Variants in ENDOD1 observed in about 807,000 individuals in gnomAD.
The protein encoded by ENDOD1 is endonuclease domain-containing 1 protein.
In ENDOD1, 9 loss-of-function variants were observed where a neutral mutation model predicts 6.5. The observed-to-expected ratio is 1.39, with a 90% confidence interval of 0.84 to 2.43. ENDOD1 has a LOEUF of 2.43. ENDOD1 is among the 30% of genes most tolerant of loss of function. The probability of loss-of-function intolerance (pLI) is 0.00; values close to 1 mark genes in which losing one functional copy is unlikely to be tolerated. For synonymous variants in ENDOD1, 255 were observed against 255.2 expected (o/e 1.00, Z 0.01); for missense variants, 648 against 635.5 (o/e 1.02, Z -0.21).
chr11:95,108,221 G>A (rs141390843), intron 1 of ENDOD1, among the ~76,000 whole-genome samples: 126 of 152,242 alleles, frequency 8.3e-4, no homozygotes, highest in African/African-American at 2.9e-3. Flanking sequence ...CCACCCTTTC[G>A]AACGTTTTAT....
intron 1 of ENDOD1, among the ~76,000 whole-genome samples, chr11:95,114,425 C>A (rs1859182931): frequency 6.6e-6 from 1 of 152,136 alleles, no homozygotes; most frequent in Non-Finnish European, 1.5e-5. Context: ...GGGTAGTTTG[C>A]AAATATTTTA....
intron 1 of ENDOD1, among the ~76,000 whole-genome samples, chr11:95,116,501 C>T (rs1859210567): frequency 6.6e-6 from 1 of 151,972 alleles, no homozygotes; most frequent in African/African-American, 2.4e-5. Context: ...TATTTCTGCT[C>T]TGATCTTTAT....
At chr11:95,124,568 A>G (rs555983337) in intron 1 of ENDOD1, among the ~76,000 whole-genome samples, 1 of 152,320 alleles carries the variant, frequency 6.6e-6, no homozygotes, top group South Asian at 2.1e-4. Flanking sequence ...TTTCTGAAGC[A>G]TATGGTTTAG....
intron 1 of ENDOD1, among the ~76,000 whole-genome samples, chr11:95,102,756 T>C (rs1437310331): frequency 1.3e-5 from 2 of 152,204 alleles, no homozygotes; most frequent in South Asian, 2.1e-4. Flanking sequence ...AAATGAGAGT[T>C]ATTATGTTAC....
intron 1 of ENDOD1, among the ~76,000 whole-genome samples, chr11:95,110,583 A>ATGTATG (rs1555111822): frequency 8.1e-5 from 12 of 147,688 alleles, no homozygotes; most frequent in Non-Finnish European, 1.5e-4. Flanking sequence ...CCGTGTATGT[A>ATGTATG]TGTGTGTGTG....
intron 1 of ENDOD1, among the ~76,000 whole-genome samples, chr11:95,125,255 A>G (rs676761): frequency 0.42 from 63,249 of 151,924 alleles, 14,246 homozygotes; most frequent in East Asian, 0.7. Context: ...TGCATACAAA[A>G]TGCTCCAGTA....
rs960363745 is a variant in ENDOD1, at chr11:95,131,630, C to T, written c.*2051C>T. 1 of 152,222 alleles carries T rather than the reference C, an allele frequency of 6.6e-6. No homozygotes were observed. 9.4% of individuals were successfully genotyped at this position (152,222 alleles called of 1,614,324 possible). The stretch of plus-strand genomic sequence containing the variant: ...AAACAGACTCCAGGCCCTGACAAAG[C>T]AGTTGGATTTGGCATGTGTGATGAA... On this transcript the variant is annotated 3_prime_UTR_variant, in exon 2 of 2. Transcript: ENST00000278505.
rs1168109064 is a variant in ENDOD1 at position 95,128,813 on chromosome 11, TAGA to T, written c.741_743del (p.Glu247del). On this transcript the variant is annotated inframe_deletion, in exon 2 of 2. Coordinates refer to ENST00000278505, the MANE Select transcript of ENDOD1 (RefSeq NM_015036.3). ...AAGCACACCCGGGACAGTGACATCA[TAGA>T]AGATGTGATGGTAAAAGATCTTCAG... 5 of 1,614,178 alleles carry T rather than the reference TAGA, an allele frequency of 3.1e-6. No individual in the cohort carries two copies. The African/African-American group carries it at 4.0e-5, about 13-fold the overall frequency.
At chr11:95,122,522 G>C (rs1265759026) in intron 1 of ENDOD1, among the ~76,000 whole-genome samples, 1 of 150,232 alleles carries the variant, frequency 6.7e-6, no homozygotes, top group Non-Finnish European at 1.5e-5. Flanking sequence ...ATATGTGCGT[G>C]AGCCACCATG....
Position 95,096,227 on chromosome 11 carries a change from C to CTTTTTTTTTTT in ENDOD1, c.300+6015_300+6025dup, listed in dbSNP as rs10660230. 1.9e-3 allele frequency among the ~76,000 whole-genome samples: 93 copies of CTTTTTTTTTTT among 49,964 alleles called. 22 individuals are homozygous for CTTTTTTTTTTT. Among genetic ancestry groups the CTTTTTTTTTTT allele is most frequent in the Non-Finnish European group, 2.0e-3 (61 of 30,060 alleles). 32.8% of individuals were successfully genotyped at this position (49,964 alleles called of 152,430 possible). ...CTAGAATTACTGTTAGTCAAGAAAG[C>CTTTTTTTTTTT]TTTTTTTTTTTTTTTTTTTTTTTTT... On this transcript the variant is annotated intron_variant, in intron 1 of 1. Coordinates refer to ENST00000278505, the MANE Select transcript of ENDOD1 (RefSeq NM_015036.3).
At chr11:95,119,489 CT>C (rs1195357562) in intron 1 of ENDOD1, among the ~76,000 whole-genome samples, 7 of 152,204 alleles carry the variant, frequency 4.6e-5, no homozygotes, top group Admixed American at 4.6e-4. Flanking sequence ...GTCTTTTGTT[CT>C]CTTCTCTTAC....
rs929947835 is a variant in ENDOD1 at position 95,089,862 on chromosome 11, C to G, written c.-66C>G. 3 of 1,263,068 alleles carry G rather than the reference C, an allele frequency of 2.4e-6. No homozygotes were observed. The African/African-American group carries it at 4.7e-5, about 20-fold the overall frequency. The allele number at this position is 1,263,068 out of a possible 1,614,324, so 78.2% of individuals were successfully genotyped here. ...CTCGGCTGCGTAGTGCGCTCCCCGC[C>G]CAGCCTGCAGAGCTCGCGCCGCGGC... On this transcript the variant is annotated 5_prime_UTR_variant, in exon 1 of 2. Coordinates refer to ENST00000278505, the MANE Select transcript of ENDOD1 (RefSeq NM_015036.3).
At chr11:95,097,154 C>A (rs199781575) in intron 1 of ENDOD1, among the ~76,000 whole-genome samples, 6 of 140,184 alleles carry the variant, frequency 4.3e-5, no homozygotes, top group African/African-American at 5.3e-5. Context: ...GACCCTGTTT[C>A]AAAAAAAAAA....
intron 1 of ENDOD1, among the ~76,000 whole-genome samples, chr11:95,103,979 C>T (rs1361171324): frequency 6.6e-6 from 1 of 152,202 alleles, no homozygotes; most frequent in African/African-American, 2.4e-5. Context: ...TCGTTTCACA[C>T]CTGCTCTGTC....
At chr11:95,112,112 C>G (rs78288089) in intron 1 of ENDOD1, among the ~76,000 whole-genome samples, 4,883 of 152,318 alleles carry the variant, frequency 0.032, 107 homozygotes, top group Non-Finnish European at 0.044. Context: ...TCATCTTTCT[C>G]TTTCCTCTCT....
At chr11:95,126,352 G>A (rs1039580876) in intron 1 of ENDOD1, among the ~76,000 whole-genome samples, 3 of 152,124 alleles carry the variant, frequency 2.0e-5, no homozygotes, top group Admixed American at 6.5e-5. Flanking sequence ...GAGTAGCACC[G>A]ATTTTAGGGA....
intron 1 of ENDOD1, among the ~76,000 whole-genome samples, chr11:95,114,896 G>A (rs1859190765): frequency 6.6e-6 from 1 of 152,138 alleles, no homozygotes; most frequent in South Asian, 2.1e-4. Flanking sequence ...GGTTACTATA[G>A]CTCTGTAGTA....
In ENDOD1 at chr11:95,129,516, G is replaced by A; in HGVS notation, c.1440G>A (p.Val480=). Residue 480 remains valine, a synonymous_variant, in exon 2 of 2, where the codon GTG becomes GTA. Coordinates refer to ENST00000278505, the MANE Select transcript of ENDOD1 (RefSeq NM_015036.3). ...GTACCCTGGGTGGCCTATTTCAGGT[G>A]GTTTTTAGTGTCTGCAAGCGGATTG... The part of the protein sequence containing the change: ...AFGTLGGLFQ[V]VFSVCKRIGY... 6.2e-7 allele frequency: 1 copy of A among 1,614,100 alleles called. No individual in the cohort carries two copies. Among genetic ancestry groups the A allele is most frequent in the Non-Finnish European group, 8.5e-7 (1 of 1,180,004 alleles).
intron 1 of ENDOD1, among the ~76,000 whole-genome samples, chr11:95,126,523 C>G (rs1421574245): frequency 1.3e-5 from 2 of 152,124 alleles, no homozygotes; most frequent in African/African-American, 2.4e-5. Context: ...ATCAAACAAC[C>G]ATGTTGACAT....
Sources: allele counts gnomAD v4.1 joint callset (sites outside exome capture counted in the v4.1 genomes callset), GRCh38; gene constraint gnomAD v4.1.1; transcripts MANE v1.5; gene names NCBI Gene and HGNC (gene_info 2026-07-23, HGNC 2026-07-21).